The following NRXN3 variants were observed in gnomAD, a reference collection of about 807,000 sequenced individuals.
NRXN3 encodes the protein neurexin III.
In NRXN3, 32 loss-of-function variants were observed where a neutral mutation model predicts 137.6. The ratio of observed to expected loss-of-function variants is 0.23; its 90% CI spans 0.18 to 0.31. The LOEUF is 0.31. Ranked by LOEUF, NRXN3 falls within the 10% of genes least tolerant of loss-of-function variation. NRXN3 has a pLI of 1.00. For synonymous variants in NRXN3, 798 were observed against 784.5 expected (o/e 1.02, Z -0.29); for missense variants, 1,574 against 2,062.5 (o/e 0.76, Z 4.59).
chr14:79,244,584 G>A (rs1295093752), intron 15 of NRXN3, among the ~76,000 whole-genome samples: 1 of 152,140 alleles, frequency 6.6e-6, no homozygotes, highest in African/African-American at 2.4e-5. Context: ...AAAATTCAGT[G>A]TAATTGATAG....
At chr14:78,627,104 T>TCTCTCTCTCTCTC (rs2097468839) in intron 4 of NRXN3, among the ~76,000 whole-genome samples, 1 of 120,986 alleles carries the variant, frequency 8.3e-6, no homozygotes, top group African/African-American at 3.1e-5. Flanking sequence ...CCTCCCTCCC[T>TCTCTCTCTCTCTC]TCTCTCTCTC....
intron 4 of NRXN3, among the ~76,000 whole-genome samples, chr14:78,523,373 A>G (rs1415176422): frequency 6.6e-6 from 1 of 152,224 alleles, no homozygotes; most frequent in Non-Finnish European, 1.5e-5. Flanking sequence ...ACTTTTGTTC[A>G]TAACTCGCAA....
chr14:79,655,124 T>C (rs1457210067), intron 16 of NRXN3, among the ~76,000 whole-genome samples: 2 of 152,200 alleles, frequency 1.3e-5, no homozygotes, highest in Non-Finnish European at 2.9e-5. Context: ...ACCTAGTCTG[T>C]AGTAAAGTAA....
intron 15 of NRXN3, among the ~76,000 whole-genome samples, chr14:79,360,801 C>T (rs1355611325): frequency 6.6e-6 from 1 of 152,094 alleles, no homozygotes; most frequent in East Asian, 1.9e-4. Context: ...GTAGTGTGAC[C>T]TTAGCGAATT....
intron 15 of NRXN3, among the ~76,000 whole-genome samples, chr14:79,193,365 G>T (rs915429387): frequency 6.6e-6 from 1 of 152,148 alleles, no homozygotes; most frequent in Non-Finnish European, 1.5e-5. Context: ...TAGTGTATTA[G>T]CAGTGTCACA....
At position 78,577,977 on chromosome 14, in the gene NRXN3, A is replaced by G. The variant is rs115138444; in HGVS notation, c.758-67143A>G. ...TTGGTTTTATAAGAGTGCTCTGCTG[A>G]TTGTGGGTTCACAGGGAAATAAAGA... On this transcript the variant is annotated intron_variant, in intron 4 of 20. Coordinates refer to ENST00000335750, the MANE Select transcript of NRXN3 (RefSeq NM_001330195.2). 1.4e-3 allele frequency among the ~76,000 whole-genome samples: 217 copies of G among 152,252 alleles called. 1 individual carries two copies. Among genetic ancestry groups the G allele is most frequent in the African/African-American group, 4.9e-3 (205 of 41,538 alleles).
chr14:78,646,014 C>T (rs1347432390), intron 5 of NRXN3, among the ~76,000 whole-genome samples: 1 of 152,022 alleles, frequency 6.6e-6, no homozygotes, highest in Non-Finnish European at 1.5e-5. Flanking sequence ...GTTCTTGATG[C>T]GGTGGTCCTA....
At chr14:78,778,435 A>G (rs2098751794) in intron 8 of NRXN3, among the ~76,000 whole-genome samples, 4 of 152,198 alleles carry the variant, frequency 2.6e-5, no homozygotes, top group Admixed American at 2.6e-4. Context: ...CCAAAATACA[A>G]TTATTGGTCA....
intron 10 of NRXN3, among the ~76,000 whole-genome samples, chr14:78,848,521 T>C (rs1407551292): frequency 1.3e-5 from 2 of 152,124 alleles, no homozygotes; most frequent in Non-Finnish European, 2.9e-5. Flanking sequence ...GTCAAATTAG[T>C]TGGAGAGTTT....
At chr14:78,730,198 G>C (rs1429545320) in intron 8 of NRXN3, among the ~76,000 whole-genome samples, 1 of 152,130 alleles carries the variant, frequency 6.6e-6, no homozygotes, top group Non-Finnish European at 1.5e-5. Context: ...AATGAATCTG[G>C]AATAGAGCGA....
chr14:79,554,219 G>T (rs1248683575), intron 16 of NRXN3, among the ~76,000 whole-genome samples: 1 of 152,160 alleles, frequency 6.6e-6, no homozygotes. Flanking sequence ...CTGAAGGTCT[G>T]CATGTGGTGA....
chr14:78,895,345 C>T (rs10148438), intron 10 of NRXN3, among the ~76,000 whole-genome samples: 7,972 of 151,916 alleles, frequency 0.052, 700 homozygotes, highest in African/African-American at 0.18. Flanking sequence ...GATGATTTCT[C>T]TCCTTAAACC....
intron 15 of NRXN3, among the ~76,000 whole-genome samples, chr14:79,195,523 T>G (rs2065019892): frequency 6.6e-6 from 1 of 152,230 alleles, no homozygotes; most frequent in Non-Finnish European, 1.5e-5. Context: ...AGAGCAAACA[T>G]CTTTGTAAAA....
chr14:78,633,065 C>A (rs1488246845), intron 4 of NRXN3, among the ~76,000 whole-genome samples: 2 of 151,186 alleles, frequency 1.3e-5, no homozygotes, highest in African/African-American at 4.9e-5. Flanking sequence ...GAAACCCCAT[C>A]TCTACTAAAA....
At chr14:79,848,251 AGCTTAGCAACT>A (rs2099384427) in intron 20 of NRXN3, among the ~76,000 whole-genome samples, 1 of 152,180 alleles carries the variant, frequency 6.6e-6, no homozygotes, top group African/African-American at 2.4e-5. Context: ...TCAAAGCTTG[AGCTTAGCAACT>A]GCTCCCCTGT....
At chr14:79,108,703 T>C (rs1457439787) in intron 15 of NRXN3, among the ~76,000 whole-genome samples, 1 of 152,134 alleles carries the variant, frequency 6.6e-6, no homozygotes, top group African/African-American at 2.4e-5. Context: ...ATGAATGAAC[T>C]CTCTGCTTCT....
intron 4 of NRXN3, among the ~76,000 whole-genome samples, chr14:78,396,890 A>ACAAGGCTACAAG (rs2091511039): frequency 6.6e-6 from 1 of 152,190 alleles, no homozygotes; most frequent in African/African-American, 2.4e-5. Flanking sequence ...CAAGTCTGAG[A>ACAAGGCTACAAG]TCAGGGTGCC....
At chr14:79,345,441 C>A (rs2092820586) in intron 15 of NRXN3, among the ~76,000 whole-genome samples, 1 of 152,108 alleles carries the variant, frequency 6.6e-6, no homozygotes, top group Non-Finnish European at 1.5e-5. Flanking sequence ...CAGCTCCTGT[C>A]CTCGGGGTGT....
chr14:79,046,052 A>T (rs1051337073), intron 15 of NRXN3, among the ~76,000 whole-genome samples: 1 of 152,256 alleles, frequency 6.6e-6, no homozygotes, highest in Non-Finnish European at 1.5e-5. Context: ...CCCTGAAAAT[A>T]TGTATATCTA....
Sources: gnomAD v4.1 joint callset for allele counts (sites outside exome capture counted in the v4.1 genomes callset) on GRCh38, gnomAD v4.1.1 for gene constraint, MANE v1.5 for transcripts, NCBI Gene and HGNC (gene_info 2026-07-23, HGNC 2026-07-21) for gene names.